CACTIN: variants seen among roughly 807,000 people sequenced by gnomAD.
CACTIN encodes the protein cactin, spliceosome C complex subunit, also known as splicing factor Cactin.
A neutral mutation model predicts 84.9 loss-of-function variants in CACTIN; 20 were observed. The ratio of observed to expected loss-of-function variants is 0.24; its 90% confidence interval spans 0.17 to 0.34. The LOEUF is 0.34. Ranked by LOEUF, CACTIN falls within the 10% of genes least tolerant of loss-of-function variation. The pLI, the probability that CACTIN is intolerant of heterozygous loss-of-function variation, is 1.00. For synonymous variants in CACTIN, 549 were observed against 467.9 expected (o/e 1.17, Z -2.24); for missense variants, 897 against 1,117.2 (o/e 0.80, Z 2.81).
At chr19:3,619,308 C>A (rs2033173357) in intron 4 of CACTIN, 66 bp from the exon 5 acceptor site, 2 of 1,552,104 alleles carry the variant, frequency 1.3e-6, no homozygotes, top group East Asian at 2.3e-5. Flanking sequence ...AGACCCTGCC[C>A]TTGGGGTGAC....
Position 3,618,997 on chromosome 19 carries a change from C to T in CACTIN, c.1048-8G>A, listed in dbSNP as rs930861206. 1.3e-6 allele frequency: 2 copies of T among 1,550,358 alleles called. No homozygotes were observed. The highest frequency in any genetic ancestry group is 1.7e-6 in the Non-Finnish European group (2 of 1,146,516). On this transcript the variant is annotated splice_region_variant and splice_polypyrimidine_tract_variant and intron_variant, in intron 5 of 9. Coordinates refer to ENST00000429344, the MANE Select transcript of CACTIN (RefSeq NM_001080543.2). The stretch of plus-strand genomic sequence containing the variant: ...CTCCAGCTCCATGTAGACCTGGGGG[C>T]AGGGGGCAGGGGTCAGGACACGGGT...
At chr19:3,619,033 T>TGGGGGTGAGGGTGC in intron 5 of CACTIN, 44 bp from the exon 6 acceptor site, 2 of 1,540,918 alleles carry the variant, frequency 1.3e-6, no homozygotes, top group East Asian at 4.9e-5. Flanking sequence ...GTGGCTGGGG[T>TGGGGGTGAGGGTGC]GGGGGTGAGG....
In CACTIN at chr19:3,611,833, C is replaced by T; in HGVS notation, c.*90G>A. ...GGGACGTGAACCCGCGGCCCTGCAG[C>T]CCAGACAGCGGCCCCGGAGTGACCA... On this transcript the variant is annotated 3_prime_UTR_variant, in exon 10 of 10. Coordinates refer to ENST00000429344, the MANE Select transcript of CACTIN (RefSeq NM_001080543.2). 1 of 1,514,612 alleles carries T rather than the reference C, an allele frequency of 6.6e-7. No individual in the cohort carries two copies. Among genetic ancestry groups the T allele is most frequent in the Non-Finnish European group, 8.9e-7 (1 of 1,119,554 alleles). 93.8% of individuals were successfully genotyped at this position (1,514,612 alleles called of 1,614,324 possible).
At chr19:3,618,785 G>A (rs1421064347) in intron 6 of CACTIN, 90 bp downstream of exon 6, 9 of 1,052,014 alleles carry the variant, frequency 8.6e-6, no homozygotes, top group African/African-American at 1.6e-5. Context: ...CCTGCAGAGA[G>A]CACCAGGCCC....
chr19:3,623,906 C>G lies in CACTIN; in HGVS notation c.424G>C (p.Glu142Gln). 1 of 1,606,724 alleles carries G rather than the reference C, an allele frequency of 6.2e-7. No homozygotes were observed. The highest frequency in any genetic ancestry group is 8.5e-7 in the Non-Finnish European group (1 of 1,179,678). The change falls in exon 2 of 10, where the codon GAG (glutamate) becomes CAG (glutamine). Residue 142 changes from glutamate to glutamine, a missense_variant. Glu to Gln is a conservative substitution (Grantham distance 29). Around this residue, in one of 8 missense-constraint regions of CACTIN, gnomAD observed 261 missense variants for 243.8 expected, o/e 1.07. Coordinates refer to ENST00000429344, the MANE Select transcript of CACTIN (RefSeq NM_001080543.2). ...AALSQQQSLQ[E>Q]RLRLREERKQ... ...CGCTCCTCCCGCAGCCGCAGCCGCT[C>G]CTGCAGGCTCTGCTGCTGGCTCAGG...
intron 3 of CACTIN, 89 bp downstream of exon 3, chr19:3,620,618 A>T: frequency 9.6e-7 from 1 of 1,037,684 alleles, no homozygotes; most frequent in Non-Finnish European, 1.4e-6. Context: ...AGGACTTCCC[A>T]CTTAAGCCCC....
intron 6 of CACTIN, 42 bp downstream of exon 6, chr19:3,618,833 C>T: frequency 7.0e-7 from 1 of 1,436,318 alleles, no homozygotes; most frequent in South Asian, 1.2e-5. Context: ...ACACTGTAGC[C>T]CCCGCAGCTC....
chr19:3,621,621 G>A (rs911246870), intron 2 of CACTIN, among the ~76,000 whole-genome samples: 8 of 152,212 alleles, frequency 5.3e-5, no homozygotes, highest in East Asian at 1.9e-4. Flanking sequence ...ATGGCTGCCC[G>A]CCCAGAGCTC....
At chr19:3,626,459 G>A (rs2033335284) in intron 1 of CACTIN, 137 bp downstream of exon 1, 2 of 989,038 alleles carry the variant, frequency 2.0e-6, no homozygotes, top group Non-Finnish European at 2.7e-6. Context: ...TCCAACCGGT[G>A]GTCAATTGTC....
At position 3,610,935 on chromosome 19, in the gene CACTIN, G is replaced by A. The variant is rs1485829509; in HGVS notation, c.*988C>T. 2.2e-6 allele frequency: 1 copy of A among 456,620 alleles called. No individual in the cohort carries two copies. Among genetic ancestry groups the A allele is most frequent in the East Asian group, 6.9e-5 (1 of 14,400 alleles). 28.3% of individuals were successfully genotyped at this position (456,620 alleles called of 1,614,324 possible). On this transcript the variant is annotated 3_prime_UTR_variant, in exon 10 of 10. Transcript: ENST00000429344. Reference sequence around the variant, plus strand: ...CCTGCCGGCTGGGCCACTCCGACCTGGGCTGTGGCACCCGTGTGGCCCTCG... The same window carrying A: ...CCTGCCGGCTGGGCCACTCCGACCTAGGCTGTGGCACCCGTGTGGCCCTCG...
At chr19:3,614,833 G>A (rs1010300850) in intron 6 of CACTIN, 53 of 564,438 alleles carry the variant, frequency 9.4e-5, no homozygotes, top group Non-Finnish European at 1.5e-4. Context: ...TTGACCTGGA[G>A]GCCCAGGCCC....
intron 3 of CACTIN, 25 bp downstream of exon 3, chr19:3,620,682 C>T (rs1161835393): frequency 6.3e-7 from 1 of 1,585,180 alleles, no homozygotes; most frequent in Non-Finnish European, 8.6e-7. Flanking sequence ...GAGGGCCCTG[C>T]CCAGTGGGCT....
intron 1 of CACTIN, among the ~76,000 whole-genome samples, chr19:3,626,162 G>T (rs1305582848): frequency 6.6e-6 from 1 of 151,800 alleles, no homozygotes; most frequent in East Asian, 1.9e-4. Context: ...CTACTCTGAT[G>T]CCGCTCCTGC....
intron 3 of CACTIN, 167 bp from the exon 4 acceptor site, chr19:3,620,439 T>A: frequency 1.2e-6 from 1 of 839,754 alleles, no homozygotes. Flanking sequence ...GAGAGGGCCC[T>A]CCTGCCCGAG....
rs556038805 is a variant in CACTIN at position 3,611,322 on chromosome 19, A to G, written c.*601T>C. 5.9e-5 allele frequency: 27 copies of G among 454,834 alleles called. No individual in the cohort carries two copies. Among genetic ancestry groups the G allele is most frequent in the African/African-American group, 5.2e-4 (26 of 50,124 alleles). The allele number at this position is 454,834 out of a possible 1,614,324, so 28.2% of individuals were successfully genotyped here. On this transcript the variant is annotated 3_prime_UTR_variant, in exon 10 of 10. Coordinates refer to ENST00000429344, the MANE Select transcript of CACTIN (RefSeq NM_001080543.2). The stretch of plus-strand genomic sequence containing the variant: ...GGTGTCCACAGAGGGTCTCTTCTGC[A>G]GTGGCGGATCGGGCGCCAGCAGGGT...
At chr19:3,616,368 T>C (rs932285285) in intron 6 of CACTIN, 1 of 152,226 alleles carries the variant, frequency 6.6e-6, no homozygotes, top group African/African-American at 2.4e-5. Context: ...CCCAGCACTT[T>C]TGGAGGCTGA....
chr19:3,623,082 A>C (rs114139747), intron 2 of CACTIN, among the ~76,000 whole-genome samples: 2,182 of 152,250 alleles, frequency 0.014, 56 homozygotes, highest in African/African-American at 0.05. Context: ...CAAAAAAATA[A>C]AAAATTAGCC....
At chr19:3,612,975 T>C (rs2033002392) in intron 9 of CACTIN, 83 bp downstream of exon 9, 1 of 1,478,912 alleles carries the variant, frequency 6.8e-7, no homozygotes, top group South Asian at 1.2e-5. Context: ...GCCAGCGGCT[T>C]CGGCCGGGAA....
Position 3,626,679 on chromosome 19 carries a change from C to T in CACTIN, c.84G>A (p.Arg28=). ...RRQSQSGSRS[R]SRSHGRRNRR... Reference sequence around the variant, plus strand: ...GGTTTCGCCGCCCATGGCTCCTGCTCCGACTTCGGCTCCCGCTCTGACTCT... The same window carrying T: ...GGTTTCGCCGCCCATGGCTCCTGCTTCGACTTCGGCTCCCGCTCTGACTCT... The change falls in exon 1 of 10, where the codon CGG becomes CGA. Residue 28 remains arginine, a synonymous_variant. Coordinates refer to ENST00000429344, the MANE Select transcript of CACTIN (RefSeq NM_001080543.2). The T allele has an allele frequency of 6.6e-7, 1 of 1,525,678 alleles. No individual in the cohort carries two copies. Among genetic ancestry groups the T allele is most frequent in the Non-Finnish European group, 8.7e-7 (1 of 1,144,900 alleles). 94.5% of individuals were successfully genotyped at this position (1,525,678 alleles called of 1,614,324 possible).
Sources: allele counts gnomAD v4.1 joint callset (sites outside exome capture counted in the v4.1 genomes callset), GRCh38; gene constraint gnomAD v4.1.1; regional missense constraint gnomAD v4.1.1; transcripts MANE v1.5; gene names NCBI Gene and HGNC (gene_info 2026-07-23, HGNC 2026-07-21).